The following MMP16 variants were observed in gnomAD, a reference collection of about 807,000 sequenced individuals.
MMP16 encodes the protein matrix metalloproteinase-16.
A neutral mutation model predicts 67.8 loss-of-function variants in MMP16; 12 were observed. The ratio of observed to expected loss-of-function variants is 0.18; its 90% CI spans 0.11 to 0.29. The LOEUF is 0.29. Among genes scored for constraint, MMP16 ranks in the 10% least tolerant of loss-of-function variants. MMP16 has a pLI of 1.00. For synonymous variants in MMP16, 249 were observed against 255.9 expected, an observed-to-expected ratio of 0.97 and a Z score of 0.26; for missense variants, 475 against 765.7, an observed-to-expected ratio of 0.62 and a Z score of 4.48.
At chr8:88,090,926 T>C (rs1337268501) in intron 6 of MMP16, among the ~76,000 whole-genome samples, 1 of 151,824 alleles carries the variant, frequency 6.6e-6, no homozygotes, top group Non-Finnish European at 1.5e-5. Flanking sequence ...GCTACACTAA[T>C]AAAAGTAGTC....
At chr8:88,162,639 T>G (rs1808647746) in intron 4 of MMP16, among the ~76,000 whole-genome samples, 1 of 152,026 alleles carries the variant, frequency 6.6e-6, no homozygotes, top group African/African-American at 2.4e-5. Flanking sequence ...TATCTGATCT[T>G]CAGTACTGTA....
At position 88,085,716 on chromosome 8, in the gene MMP16, T is replaced by C. The variant is rs968417064; in HGVS notation, c.1084-10973A>G. On this transcript the variant is annotated intron_variant, in intron 6 of 9. Transcript: ENST00000286614. ...TAGTTACCATTTGGATTAAAAAATG[T>C]AAACTATTTTAATAAAATGTTTATT... Among the ~76,000 whole-genome samples the C allele has an allele frequency of 2.0e-5, 3 of 152,080 alleles. No individual in the cohort carries two copies. In the East Asian group the frequency reaches 5.8e-4, roughly 29 times the overall value.
At chr8:88,296,135 T>A (rs1447593889) in intron 1 of MMP16, among the ~76,000 whole-genome samples, 2 of 152,218 alleles carry the variant, frequency 1.3e-5, no homozygotes, top group Non-Finnish European at 2.9e-5. Context: ...ATCCATTTAT[T>A]CATTCATTTA....
chr8:88,137,777 C>T (rs117214153), intron 4 of MMP16, among the ~76,000 whole-genome samples: 1,812 of 151,472 alleles, frequency 0.012, 19 homozygotes, highest in Middle Eastern at 0.048. Context: ...TTTTGCGCTC[C>T]CTCTCTTCTG....
intron 1 of MMP16, among the ~76,000 whole-genome samples, chr8:88,281,092 C>T (rs983965779): frequency 6.6e-6 from 1 of 152,184 alleles, no homozygotes; most frequent in Admixed American, 6.5e-5. Flanking sequence ...GAGTACAAGA[C>T]TTGTATCAAG....
At chr8:88,191,915 C>T (rs1809175076) in intron 2 of MMP16, among the ~76,000 whole-genome samples, 1 of 152,142 alleles carries the variant, frequency 6.6e-6, no homozygotes, top group African/African-American at 2.4e-5. Flanking sequence ...CACAGTGGCT[C>T]TGTGTAAATA....
chr8:88,186,372 A>T, intron 3 of MMP16, 104 bp downstream of exon 3: 1 of 1,409,162 alleles, frequency 7.1e-7, no homozygotes, highest in Non-Finnish European at 9.9e-7. Flanking sequence ...TTATATCCCT[A>T]TATATTAACA....
chr8:88,062,724 T>C (rs1808416001), intron 7 of MMP16, among the ~76,000 whole-genome samples: 1 of 151,912 alleles, frequency 6.6e-6, no homozygotes, highest in Non-Finnish European at 1.5e-5. Flanking sequence ...AGTTAATGGG[T>C]GCAGCACACC....
intron 4 of MMP16, among the ~76,000 whole-genome samples, chr8:88,135,197 G>A (rs1808098603): frequency 6.6e-6 from 1 of 151,674 alleles, no homozygotes; most frequent in African/African-American, 2.4e-5. Context: ...TTGAGTATTA[G>A]ATTAAGTACA....
chr8:88,167,306 A>G (rs944144373), intron 4 of MMP16, among the ~76,000 whole-genome samples: 1 of 152,152 alleles, frequency 6.6e-6, no homozygotes, highest in East Asian at 1.9e-4. Flanking sequence ...TTACAAGTAG[A>G]AACATTGGGA....
At position 88,181,395 on chromosome 8, in the gene MMP16, C is replaced by A. The variant is rs549011161; in HGVS notation, c.404+5081G>T. ...TGCTTTTCTATCTGCTAACAATAAACAACTCAAATTTGATATGAAAAACAT... is the reference window on the plus strand; with the variant it reads ...TGCTTTTCTATCTGCTAACAATAAAAAACTCAAATTTGATATGAAAAACAT... On this transcript the variant is annotated intron_variant, in intron 3 of 9. Transcript: ENST00000286614. Among the ~76,000 whole-genome samples the A allele has an allele frequency of 7.1e-4, 108 of 151,916 alleles. 2 individuals carry two copies. The highest frequency in any genetic ancestry group is 4.7e-3 in the Admixed American group (72 of 15,266).
At position 88,327,407 on chromosome 8, in the gene MMP16, G is replaced by T. The variant is rs1811558775; in HGVS notation, c.-201C>A. The T allele has an allele frequency of 3.5e-6, 2 of 567,138 alleles. No individual in the cohort carries two copies. The highest frequency in any genetic ancestry group is 6.3e-6 in the Non-Finnish European group (2 of 319,810). 35.1% of individuals were successfully genotyped at this position (567,138 alleles called of 1,614,324 possible). On this transcript the variant is annotated 5_prime_UTR_variant, in exon 1 of 10. It adds an upstream start codon to the 5' untranslated region. Coordinates refer to ENST00000286614, the MANE Select transcript of MMP16 (RefSeq NM_005941.5). ...AGAGGCAGCGGCGAAGACAGGGTCA[G>T]CAGTAGTTCCTGTTCACCATCCTCC...
intron 6 of MMP16, among the ~76,000 whole-genome samples, chr8:88,103,447 T>C (rs1451705875): frequency 6.6e-6 from 1 of 151,848 alleles, no homozygotes; most frequent in Non-Finnish European, 1.5e-5. Context: ...GAATAAAAGA[T>C]TACAGTAGTT....
chr8:88,310,221 G>A (rs1811274440), intron 1 of MMP16, among the ~76,000 whole-genome samples: 2 of 152,082 alleles, frequency 1.3e-5, no homozygotes, highest in Admixed American at 1.3e-4. Context: ...TAATGCCAAG[G>A]CAAAAGGCAT....
chr8:88,198,393 T>C (rs1017024601), intron 1 of MMP16, among the ~76,000 whole-genome samples: 6 of 152,108 alleles, frequency 3.9e-5, no homozygotes, highest in African/African-American at 1.2e-4. Context: ...AGCCTTGCTA[T>C]TTAGTGAAAG....
chr8:88,075,183 C>T (rs1443005507), intron 6 of MMP16, among the ~76,000 whole-genome samples: 2 of 152,080 alleles, frequency 1.3e-5, no homozygotes, highest in Non-Finnish European at 2.9e-5. Context: ...TCTGTACGCC[C>T]CTGTTATGCC....
Position 88,041,069 on chromosome 8 carries a change from C to G in MMP16, c.*392G>C, listed in dbSNP as rs766555875. 2 of 159,656 alleles carry G rather than the reference C, an allele frequency of 1.3e-5. No homozygotes were observed. Among genetic ancestry groups the G allele is most frequent in the Admixed American group, 1.3e-4 (2 of 15,362 alleles). 9.9% of individuals were successfully genotyped at this position (159,656 alleles called of 1,614,324 possible). A position where few individuals can be genotyped will look rare whatever the true frequency, so the allele number is the denominator to read the frequency against. The stretch of plus-strand genomic sequence containing the variant: ...GAAAAACCGTGGGTTTTCTGATTTG[C>G]TTTTTTTTTCTCCCCCCAGAAATGG... On this transcript the variant is annotated 3_prime_UTR_variant, in exon 10 of 10. Coordinates refer to ENST00000286614, the MANE Select transcript of MMP16 (RefSeq NM_005941.5). The surrounding 1 kb of genome is among the most constrained non-coding windows in gnomAD (Gnocchi z 6.0).
intron 1 of MMP16, among the ~76,000 whole-genome samples, chr8:88,215,770 G>C (rs1809582759): frequency 6.6e-6 from 1 of 152,088 alleles, no homozygotes; most frequent in African/African-American, 2.4e-5. Flanking sequence ...TAAATCTCAG[G>C]AAATAGTTTC....
intron 6 of MMP16, among the ~76,000 whole-genome samples, chr8:88,095,125 C>T (rs1326060075): frequency 2.0e-5 from 3 of 151,826 alleles, no homozygotes; most frequent in Non-Finnish European, 2.9e-5. Context: ...TATTTTACTA[C>T]TGGCAATGCT....
Sources: gnomAD v4.1 joint callset for allele counts (sites outside exome capture counted in the v4.1 genomes callset) on GRCh38, gnomAD v4.1.1 for gene constraint, Gnocchi (gnomAD v3.1) non-coding constraint, MANE v1.5 for transcripts, NCBI Gene and HGNC (gene_info 2026-07-23, HGNC 2026-07-21) for gene names.